TSHZ3: variants seen among roughly 807,000 people sequenced by gnomAD.
TSHZ3 encodes teashirt zinc finger homeobox 3.
A neutral mutation model predicts 64.5 loss-of-function variants in TSHZ3; 10 were observed. That is an observed-to-expected ratio of 0.16 (90% CI 0.10 to 0.26). TSHZ3 has a LOEUF of 0.26. Among genes scored for constraint, TSHZ3 ranks in the 10% least tolerant of loss-of-function variants. TSHZ3 has a pLI of 1.00. For missense variants in TSHZ3, 1,242 were observed against 1,421.7 expected, an observed-to-expected ratio of 0.87 and a Z score of 2.03; for synonymous variants, 608 against 593.1, an observed-to-expected ratio of 1.03 and a Z score of -0.36.
Position 31,321,546 on chromosome 19 carries a change from C to T in TSHZ3, c.40+27634G>A, listed in dbSNP as rs551413501. On this transcript the variant is annotated intron_variant, in intron 1 of 1. Transcript: ENST00000240587. ...GGAAACACACCAAGGTGTCTGCATA[C>T]GGCAGACTCACGCCAGGTTAACGCA... 2.0e-4 allele frequency among the ~76,000 whole-genome samples: 30 copies of T among 152,290 alleles called. No individual in the cohort carries two copies. In the South Asian group the frequency reaches 5.6e-3, roughly 28 times the overall value.
intron 1 of TSHZ3, among the ~76,000 whole-genome samples, chr19:31,307,153 T>C (rs1299371259): frequency 6.6e-6 from 1 of 152,116 alleles, no homozygotes; most frequent in Non-Finnish European, 1.5e-5. Context: ...AAAAAATGCA[T>C]CTATTCCCAT....
chr19:31,279,412 G>A lies in TSHZ3; in HGVS notation c.381C>T (p.Ser127=), dbSNP rs766266226. Residue 127 remains serine, a synonymous_variant, in exon 2 of 2, where the codon TCC becomes TCT. Transcript: ENST00000240587. This position sits in a 1 kb window ranked among gnomAD's most constrained non-coding sequence, Gnocchi z 6.4. ...GGTTGAGGTTGGACCAGTAGGAGTT[G>A]GAGAGGAAGTTGTTGTACACGGCCT... ...QMKAVYNNFL[S]NSYWSNLNLN... is the part of the protein sequence containing the mutation. 18 of 1,614,100 alleles carry A rather than the reference G, an allele frequency of 1.1e-5. No individual in the cohort carries two copies. Among genetic ancestry groups the A allele is most frequent in the Admixed American group, 1.7e-5 (1 of 60,012 alleles).
rs1216478674 is a variant in TSHZ3, at chr19:31,277,970, T to A, written c.1823A>T (p.His608Leu). The change falls in exon 2 of 2, where the codon CAT (histidine) becomes CTT (leucine). Residue 608 changes from histidine (H) to leucine (L), a missense_variant. This residue lies in a region of TSHZ3 where 550 missense variants were observed against 545.1 expected (regional missense o/e 1.01). Transcript: ENST00000240587. This position sits in a 1 kb window ranked among gnomAD's most constrained non-coding sequence, Gnocchi z 4.5. ...CTTTTTCACCAGCTCCTCCATGGCA[T>A]GAAAGTTTGTCTTGGGCATGGGGGA... ...QTSPMPKTNF[H>L]AMEELVKKVT... 6.2e-7 allele frequency: 1 copy of A among 1,614,222 alleles called. No individual in the cohort carries two copies. Among genetic ancestry groups the A allele is most frequent in the Non-Finnish European group, 8.5e-7 (1 of 1,180,038 alleles).
rs1214726696 is a variant in TSHZ3 at position 31,234,502 on chromosome 19, G to T, written n.551-6362C>A. ...CTGGCTTTAACCATTAACAATGATG[G>T]TTGCTGTATGATTTTCATAGATGCC... On this transcript the variant is annotated intron_variant and non_coding_transcript_variant, in intron 3 of 6. Coordinates refer to the TSHZ3 transcript ENST00000651361. Among the ~76,000 whole-genome samples, 3 of 152,130 alleles carry T rather than the reference G, an allele frequency of 2.0e-5. No homozygotes were observed. The East Asian group carries it at 5.8e-4, about 29-fold the overall frequency.
rs565179504 is a variant in TSHZ3, at chr19:31,216,508, G to GT, written n.687-11431dup. 5.5e-4 allele frequency among the ~76,000 whole-genome samples: 83 copies of GT among 151,984 alleles called. 1 individual carries two copies. Among genetic ancestry groups the GT allele is most frequent in the Middle Eastern group, 3.4e-3 (1 of 294 alleles). ...CCGTCACCCAGGCTGGAGGGCAGTG[G>GT]TGCAATCTCAGCTCACTGCAACCTC... On this transcript the variant is annotated intron_variant and non_coding_transcript_variant, in intron 4 of 6. Coordinates refer to the TSHZ3 transcript ENST00000651361.
At chr19:31,256,071 A>C (rs899826742) in intron 1 of TSHZ3, among the ~76,000 whole-genome samples, 2 of 152,064 alleles carry the variant, frequency 1.3e-5, no homozygotes, top group Non-Finnish European at 2.9e-5. Flanking sequence ...TCATCAACAC[A>C]AGCATGCAGC....
intron 4 of TSHZ3, among the ~76,000 whole-genome samples, chr19:31,223,085 G>A (rs546756520): frequency 6.6e-6 from 1 of 152,268 alleles, no homozygotes; most frequent in East Asian, 1.9e-4. Flanking sequence ...GAGATTCCAT[G>A]TCCCTGTCAC....
chr19:31,332,830 G>A (rs1917131485), intron 1 of TSHZ3, among the ~76,000 whole-genome samples: 1 of 152,090 alleles, frequency 6.6e-6, no homozygotes, highest in Admixed American at 6.6e-5. Flanking sequence ...GGGTAGGCCA[G>A]GCACATGGCT....
At chr19:31,289,032 C>T (rs575430631) in intron 1 of TSHZ3, among the ~76,000 whole-genome samples, 2 of 152,308 alleles carry the variant, frequency 1.3e-5, no homozygotes, top group African/African-American at 4.8e-5. Flanking sequence ...TGGCCACATC[C>T]GCCTCCCAGG....
intron 1 of TSHZ3, among the ~76,000 whole-genome samples, chr19:31,336,326 A>G (rs2145189583): frequency 6.6e-6 from 1 of 152,272 alleles, no homozygotes. Context: ...TGGTCTTTAA[A>G]CCATGACTGG....
At chr19:31,292,928 CCCATCCATCCAACCAAAA>C in intron 1 of TSHZ3, among the ~76,000 whole-genome samples, 1 of 150,588 alleles carries the variant, frequency 6.6e-6, no homozygotes, top group Admixed American at 6.6e-5. Flanking sequence ...CAACCAAAAA[CCCATCCATCCAACCAAAA>C]ACCCATCCAT....
At chr19:31,173,066 G>A (rs553477199) in intron 5 of TSHZ3, among the ~76,000 whole-genome samples, 50 of 152,336 alleles carry the variant, frequency 3.3e-4, no homozygotes, top group African/African-American at 1.2e-3. Flanking sequence ...CTCTTGAGCT[G>A]AGAAGTAGTA....
At chr19:31,213,945 T>C (rs779988870) in intron 4 of TSHZ3, among the ~76,000 whole-genome samples, 3 of 152,196 alleles carry the variant, frequency 2.0e-5, no homozygotes, top group Non-Finnish European at 4.4e-5. Flanking sequence ...TTTAGGGGGA[T>C]TTTATTTTTT....
At position 31,279,268 on chromosome 19, in the gene TSHZ3, C is replaced by T. The variant is rs368807538; in HGVS notation, c.525G>A (p.Thr175=). 45 of 1,614,006 alleles carry T rather than the reference C, an allele frequency of 2.8e-5. No individual in the cohort carries two copies. The highest frequency in any genetic ancestry group is 2.5e-4 in the East Asian group (11 of 44,894). Residue 175 remains threonine, a synonymous_variant, in exon 2 of 2, where the codon ACG becomes ACA. Transcript: ENST00000240587. The surrounding 1 kb of genome is among the most constrained non-coding windows in gnomAD (Gnocchi z 6.4). ...TGCGGCTCTGTGACACCTGCTGCAG[C>T]GTCTTAGCCATGGCGCTCTGGTGCC... ...FDWHQSAMAK[T]LQQVSQSRML...
At chr19:31,268,458 G>A (rs1297328383) in intron 1 of TSHZ3, among the ~76,000 whole-genome samples, 1 of 152,138 alleles carries the variant, frequency 6.6e-6, no homozygotes, top group Non-Finnish European at 1.5e-5. Flanking sequence ...GGGGCTGGGA[G>A]GGTTGGGTAA....
intron 1 of TSHZ3, among the ~76,000 whole-genome samples, chr19:31,282,617 TG>T (rs1976383380): frequency 6.6e-6 from 1 of 152,056 alleles, no homozygotes; most frequent in Non-Finnish European, 1.5e-5. Context: ...CCCCAACACA[TG>T]CACCATGAAT....
At chr19:31,211,296 G>A (rs1476672516) in intron 4 of TSHZ3, among the ~76,000 whole-genome samples, 1 of 152,184 alleles carries the variant, frequency 6.6e-6, no homozygotes, top group Non-Finnish European at 1.5e-5. Flanking sequence ...AGGTAATTGT[G>A]TGTGTGAAAT....
At chr19:31,314,783 G>A (rs535846677) in intron 1 of TSHZ3, among the ~76,000 whole-genome samples, 118 of 152,254 alleles carry the variant, frequency 7.8e-4, no homozygotes, top group Middle Eastern at 3.4e-3. Context: ...GTCCACCTCC[G>A]GGGCTGTCTG....
chr19:31,205,177 C>T (rs1975148527), intron 4 of TSHZ3, among the ~76,000 whole-genome samples: 1 of 152,150 alleles, frequency 6.6e-6, no homozygotes, highest in African/African-American at 2.4e-5. Flanking sequence ...CTATCAGTCC[C>T]TGAGCAGCCA....
Sources: gnomAD v4.1 joint callset for allele counts (sites outside exome capture counted in the v4.1 genomes callset) on GRCh38, gnomAD v4.1.1 for gene constraint, gnomAD v4.1.1 regional missense constraint, Gnocchi (gnomAD v3.1) non-coding constraint, MANE v1.5 for transcripts, NCBI Gene and HGNC (gene_info 2026-07-23, HGNC 2026-07-21) for gene names.